Variants in UNC13C observed in about 807,000 individuals in gnomAD.
UNC13C encodes protein unc-13 homolog C.
In UNC13C, 174 loss-of-function variants were observed where a neutral mutation model predicts 245.4. That is an observed-to-expected ratio of 0.71 (90% CI 0.63 to 0.80). UNC13C has a LOEUF of 0.80. Ranked by LOEUF, UNC13C falls within the 30% of genes least tolerant of loss-of-function variation. UNC13C has a pLI of 0.00. For missense variants in UNC13C, 2,829 were observed against 2,602.9 expected, an observed-to-expected ratio of 1.09 and a Z score of -1.89; for synonymous variants, 992 against 895.1, an observed-to-expected ratio of 1.11 and a Z score of -1.93.
intron 4 of UNC13C, among the ~76,000 whole-genome samples, chr15:54,183,879 T>C (rs2033882139): frequency 6.6e-6 from 1 of 151,872 alleles, no homozygotes; most frequent in Non-Finnish European, 1.5e-5. Flanking sequence ...TAGTGTGAGA[T>C]CCTGAAATCT....
At chr15:54,453,598 AT>A (rs1454748547) in intron 19 of UNC13C, among the ~76,000 whole-genome samples, 4 of 152,144 alleles carry the variant, frequency 2.6e-5, no homozygotes, top group African/African-American at 9.7e-5. Context: ...CCTTTTCCTC[AT>A]TTTGTTTACA....
At chr15:54,573,330 C>T (rs983798583) in intron 30 of UNC13C, among the ~76,000 whole-genome samples, 2 of 152,078 alleles carry the variant, frequency 1.3e-5, no homozygotes, top group Non-Finnish European at 2.9e-5. Flanking sequence ...GGAATTGAAT[C>T]CCATTAGAAA....
chr15:54,235,214 A>C (rs2035660736), intron 5 of UNC13C, 106 bp downstream of exon 5: 1 of 920,664 alleles, frequency 1.1e-6, no homozygotes, highest in East Asian at 2.7e-5. Context: ...TATTCCATGG[A>C]ATAAAAATAT....
chr15:54,060,318 G>T (rs868616765), intron 2 of UNC13C, among the ~76,000 whole-genome samples: 7 of 152,160 alleles, frequency 4.6e-5, no homozygotes, highest in Non-Finnish European at 8.8e-5. Context: ...GATATGAACA[G>T]ACACTTCTCA....
intron 15 of UNC13C, among the ~76,000 whole-genome samples, chr15:54,333,481 G>A (rs2038494366): frequency 6.6e-6 from 1 of 151,948 alleles, no homozygotes. Flanking sequence ...TTAGAAGCAA[G>A]CATTAATAAC....
At position 54,074,238 on chromosome 15, in the gene UNC13C, T is replaced by TGTTTTGGTACCACTACC. The variant is rs1898478169; in HGVS notation, c.2983+58352_2983+58353insGTTTTGGTACCACTACC. ...CTCTGTTCTGTTCCATTGGTCTATATATCTGTTTTGGTACCACTACCATGC... is the reference window on the plus strand; with the variant it reads ...CTCTGTTCTGTTCCATTGGTCTATATGTTTTGGTACCACTACCATCTGTTTTGGTACCACTACCATGC... On this transcript the variant is annotated intron_variant, in intron 2 of 32. Coordinates refer to ENST00000260323, the MANE Select transcript of UNC13C (RefSeq NM_001080534.3). 3.1e-5 allele frequency among the ~76,000 whole-genome samples: 3 copies of TGTTTTGGTACCACTACC among 98,240 alleles called. No individual in the cohort carries two copies. In the Admixed American group the frequency reaches 3.9e-4, roughly 13 times the overall value. The allele number at this position is 98,240 out of a possible 152,430, so 64.4% of individuals were successfully genotyped here. A position where few individuals can be genotyped will look rare whatever the true frequency, so the allele number is the denominator to read the frequency against.
At chr15:54,457,654 T>A (rs1457056393) in intron 19 of UNC13C, among the ~76,000 whole-genome samples, 1 of 152,108 alleles carries the variant, frequency 6.6e-6, no homozygotes, top group African/African-American at 2.4e-5. Context: ...TTTTCCAGTT[T>A]GTGTGCATAT....
rs200418817 is a variant in UNC13C at position 54,567,795 on chromosome 15, T to C, written c.5959-5T>C. ...ATGCCTCGGCTTATTTTTTTTTCTTTGTAGCAATACTTTCATGCAGGAGGA... is the reference window on the plus strand; with the variant it reads ...ATGCCTCGGCTTATTTTTTTTTCTTCGTAGCAATACTTTCATGCAGGAGGA... On this transcript the variant is annotated splice_region_variant and splice_polypyrimidine_tract_variant and intron_variant, in intron 29 of 32. Transcript: ENST00000260323. 39 of 1,580,736 alleles carry C rather than the reference T, an allele frequency of 2.5e-5. No homozygotes were observed. Among genetic ancestry groups the C allele is most frequent in the Non-Finnish European group, 3.2e-5 (37 of 1,164,302 alleles).
chr15:53,979,945 A>G (rs999174325), intron 1 of UNC13C, among the ~76,000 whole-genome samples: 2 of 152,112 alleles, frequency 1.3e-5, no homozygotes, highest in African/African-American at 4.8e-5. Context: ...ATTAAATGAG[A>G]TTTTCTGGAG....
At chr15:53,883,408 A>T in the UNC13C span, among the ~76,000 whole-genome samples, 1 of 152,178 alleles carries the variant, frequency 6.6e-6, no homozygotes, top group African/African-American at 2.4e-5. Context: ...TACATGTCTC[A>T]TGTTTTGGGG....
At chr15:54,139,457 C>T (rs956892686) in intron 2 of UNC13C, among the ~76,000 whole-genome samples, 3 of 152,108 alleles carry the variant, frequency 2.0e-5, no homozygotes, top group Admixed American at 6.5e-5. Context: ...AAAATAATTT[C>T]CTTAGCACCA....
At chr15:54,210,227 T>G (rs2034836965) in intron 4 of UNC13C, among the ~76,000 whole-genome samples, 1 of 105,280 alleles carries the variant, frequency 9.5e-6, no homozygotes, top group Admixed American at 9.9e-5. Context: ...TATATATAGT[T>G]AACTGCATTA....
At chr15:54,003,797 G>C (rs1895009584) in intron 1 of UNC13C, among the ~76,000 whole-genome samples, 1 of 152,160 alleles carries the variant, frequency 6.6e-6, no homozygotes, top group Admixed American at 6.5e-5. Context: ...TGGATCACGA[G>C]GTCAGGAGAT....
the UNC13C span, among the ~76,000 whole-genome samples, chr15:53,869,366 TTGA>T: frequency 6.6e-6 from 1 of 152,162 alleles, no homozygotes; most frequent in Non-Finnish European, 1.5e-5. Flanking sequence ...TTGTTTTCTT[TTGA>T]TGATGTTTCA....
chr15:54,405,081 C>G (rs1197517776), intron 18 of UNC13C, among the ~76,000 whole-genome samples: 1 of 152,096 alleles, frequency 6.6e-6, no homozygotes, highest in Non-Finnish European at 1.5e-5. Flanking sequence ...CAGCAGGAAA[C>G]ATTTATTGAG....
chr15:53,963,522 G>A, the UNC13C span, among the ~76,000 whole-genome samples: 1 of 152,136 alleles, frequency 6.6e-6, no homozygotes, highest in Admixed American at 6.5e-5. Flanking sequence ...ACCCATATGG[G>A]ACAATACACG....
chr15:54,357,069 T>A (rs1228464388), intron 17 of UNC13C, among the ~76,000 whole-genome samples: 1 of 152,240 alleles, frequency 6.6e-6, no homozygotes, highest in East Asian at 1.9e-4. Context: ...ACAGTGTTAA[T>A]TGTATCAGTT....
intron 2 of UNC13C, among the ~76,000 whole-genome samples, chr15:54,137,593 A>G (rs1595898238): frequency 6.6e-6 from 1 of 152,118 alleles, no homozygotes; most frequent in African/African-American, 2.4e-5. Flanking sequence ...CTTCCAGGTT[A>G]TTCAATTTGA....
chr15:54,203,822 GTGTA>G (rs1177551821), intron 4 of UNC13C, among the ~76,000 whole-genome samples: 1 of 54,118 alleles, frequency 1.8e-5, no homozygotes, highest in Non-Finnish European at 4.1e-5. Flanking sequence ...GTATATATAC[GTGTA>G]TGTATATACA....
Sources: allele counts gnomAD v4.1 joint callset (sites outside exome capture counted in the v4.1 genomes callset), GRCh38; gene constraint gnomAD v4.1.1; transcripts MANE v1.5; gene names NCBI Gene and HGNC (gene_info 2026-07-23, HGNC 2026-07-21).